AMOTL1: variants seen among roughly 807,000 people sequenced by gnomAD.
The protein encoded by AMOTL1 is angiomotin like 1, also known as angiomotin-like protein 1.
AMOTL1 carries 45 observed loss-of-function variants against 102.9 expected under a neutral mutation model. The ratio of observed to expected loss-of-function variants is 0.44; its 90% CI spans 0.34 to 0.56. The LOEUF (loss-of-function observed/expected upper bound fraction) is 0.56. Ranked by LOEUF, AMOTL1 falls within the 20% of genes least tolerant of loss-of-function variation. The pLI is 0.01. For missense variants in AMOTL1, 1,114 were observed against 1,225.6 expected (o/e 0.91, Z 1.36); for synonymous variants, 481 against 484.7 (o/e 0.99, Z 0.10).
At chr11:94,838,747 T>C (rs1204422841) in intron 6 of AMOTL1, among the ~76,000 whole-genome samples, 2 of 152,244 alleles carry the variant, frequency 1.3e-5, no homozygotes, top group East Asian at 3.8e-4. Flanking sequence ...CAAGATATAA[T>C]TGTTATTTTC....
At chr11:94,771,303 A>G (rs192445758) in intron 1 of AMOTL1, among the ~76,000 whole-genome samples, 1,707 of 150,434 alleles carry the variant, frequency 0.011, 18 homozygotes, top group Non-Finnish European at 0.018. Flanking sequence ...TTAAATGCAT[A>G]AGGAAGCTCA....
chr11:94,801,244 G>A (rs941671793), intron 3 of AMOTL1, among the ~76,000 whole-genome samples: 1 of 152,176 alleles, frequency 6.6e-6, no homozygotes, highest in Admixed American at 6.5e-5. Flanking sequence ...GCTGTGTGAG[G>A]GAGTGCCGTG....
At chr11:94,730,791 C>T (rs1239477852) in intron 2 of AMOTL1, among the ~76,000 whole-genome samples, 4 of 152,160 alleles carry the variant, frequency 2.6e-5, no homozygotes, top group African/African-American at 9.7e-5. Context: ...CTTCTGGCAC[C>T]ACCACATCAC....
chr11:94,788,464 C>T (rs887717899), intron 1 of AMOTL1, among the ~76,000 whole-genome samples: 1 of 152,170 alleles, frequency 6.6e-6, no homozygotes, highest in African/African-American at 2.4e-5. Flanking sequence ...TTCTCCACAC[C>T]CCACAGTGGA....
At chr11:94,708,736 C>T (rs999304690) in intron 1 of AMOTL1, among the ~76,000 whole-genome samples, 5 of 152,048 alleles carry the variant, frequency 3.3e-5, no homozygotes, top group African/African-American at 9.7e-5. Context: ...GAAATACATG[C>T]GAACTCTCTT....
At chr11:94,766,381 G>A (rs1950855037), upstream of AMOTL1, among the ~76,000 whole-genome samples, 1 of 152,150 alleles carries the variant, frequency 6.6e-6, no homozygotes, top group East Asian at 1.9e-4. Context: ...TTGCCAAAAA[G>A]GATACTGAGG....
intron 1 of AMOTL1, chr11:94,728,831 C>A: frequency 1.9e-6 from 1 of 540,538 alleles, no homozygotes; most frequent in Non-Finnish European, 2.9e-6. Flanking sequence ...GAGCTAGAAA[C>A]TGACCACTTT....
At chr11:94,803,282 G>T (rs181457078) in intron 3 of AMOTL1, among the ~76,000 whole-genome samples, 8 of 152,132 alleles carry the variant, frequency 5.3e-5, no homozygotes, top group Admixed American at 1.3e-4. Context: ...GCTCTGATGC[G>T]CCCTAAAGAT....
chr11:94,771,260 G>GA (rs947290009), intron 1 of AMOTL1, among the ~76,000 whole-genome samples: 4 of 9,482 alleles, frequency 4.2e-4, no homozygotes, highest in South Asian at 0.012. Flanking sequence ...TGGCGGGGTT[G>GA]GGGGGGGGGT....
chr11:94,742,124 G>A (rs1181990700), intron 3 of AMOTL1, among the ~76,000 whole-genome samples: 2 of 152,240 alleles, frequency 1.3e-5, no homozygotes, highest in South Asian at 2.1e-4. Flanking sequence ...TTCAGAGGAT[G>A]TGTTTCTGAC....
Position 94,853,865 on chromosome 11 carries a change from C to A in AMOTL1, c.1795-68C>A, listed in dbSNP as rs1952599806. ...GGATCTCCAGGTAATCTGACCCCAC[C>A]TCCTCCACCCCAGCTTTGAGAATCA... On this transcript the variant is annotated intron_variant, in intron 7 of 12. Transcript: ENST00000433060. 4.5e-6 allele frequency: 7 copies of A among 1,550,322 alleles called. No individual in the cohort carries two copies. The Admixed American group carries it at 5.7e-5, about 13-fold the overall frequency.
At chr11:94,751,759 G>A (rs1201500775) in intron 3 of AMOTL1, among the ~76,000 whole-genome samples, 2 of 148,830 alleles carry the variant, frequency 1.3e-5, no homozygotes, top group Non-Finnish European at 3.0e-5. Flanking sequence ...ACATATATAT[G>A]CTCACATGCA....
intron 3 of AMOTL1, among the ~76,000 whole-genome samples, chr11:94,742,751 C>T (rs1950543351): frequency 6.6e-6 from 1 of 152,146 alleles, no homozygotes; most frequent in African/African-American, 2.4e-5. Flanking sequence ...ATTTATTTCT[C>T]ACAAGTTCTG....
chr11:94,747,005 G>T (rs1430623701), intron 3 of AMOTL1, among the ~76,000 whole-genome samples: 1 of 151,954 alleles, frequency 6.6e-6, no homozygotes, highest in Non-Finnish European at 1.5e-5. Flanking sequence ...TCTGCTTGTT[G>T]TAACAGTGCC....
At chr11:94,753,863 G>C (rs1565339695) in intron 3 of AMOTL1, among the ~76,000 whole-genome samples, 1 of 152,210 alleles carries the variant, frequency 6.6e-6, no homozygotes. Flanking sequence ...TGCAAGCTAG[G>C]CTCAGGCATG....
chr11:94,809,784 A>C (rs1951638856), intron 3 of AMOTL1, among the ~76,000 whole-genome samples: 1 of 152,242 alleles, frequency 6.6e-6, no homozygotes, highest in Non-Finnish European at 1.5e-5. Context: ...AATACTTTTA[A>C]AACTAGCTTA....
intron 8 of AMOTL1, among the ~76,000 whole-genome samples, chr11:94,856,629 G>T (rs1489498188): frequency 1.3e-5 from 2 of 152,128 alleles, no homozygotes; most frequent in Non-Finnish European, 2.9e-5. Flanking sequence ...TTGGGCAGCA[G>T]CCTCGGGAAA....
chr11:94,772,628 T>G (rs1591950263), intron 1 of AMOTL1, among the ~76,000 whole-genome samples: 1 of 152,314 alleles, frequency 6.6e-6, no homozygotes, highest in South Asian at 2.1e-4. Flanking sequence ...CACCTATGGG[T>G]TTTTTCCAGT....
In AMOTL1 at chr11:94,840,707, C is replaced by T. The variant is rs963060166; in HGVS notation, c.1648+9166C>T. ...ACACACACACACACACACACACACA[C>T]ATATATATATACATATATATGTACA... On this transcript the variant is annotated intron_variant, in intron 6 of 12. Coordinates refer to ENST00000433060, the MANE Select transcript of AMOTL1 (RefSeq NM_130847.3). Among the ~76,000 whole-genome samples the T allele has an allele frequency of 2.3e-3, 291 of 124,782 alleles. 2 individuals carry two copies. The South Asian group carries it at 0.03, about 13-fold the overall frequency. The allele number at this position is 124,782 out of a possible 152,430, so 81.9% of individuals were successfully genotyped here.
Sources: gnomAD v4.1 joint callset for allele counts (sites outside exome capture counted in the v4.1 genomes callset) on GRCh38, gnomAD v4.1.1 for gene constraint, MANE v1.5 for transcripts, NCBI Gene and HGNC (gene_info 2026-07-23, HGNC 2026-07-21) for gene names.